Variants in INO80 observed in about 807,000 individuals in gnomAD.
INO80 encodes the protein chromatin-remodeling ATPase INO80.
A neutral mutation model predicts 203.4 loss-of-function variants in INO80; 20 were observed. That is an observed-to-expected ratio of 0.10 (90% confidence interval 0.07 to 0.14). INO80 has a LOEUF of 0.14. Ranked by LOEUF, INO80 falls within the 10% of genes least tolerant of loss-of-function variation. The pLI, the probability that INO80 is intolerant of heterozygous loss-of-function variation, is 1.00. For synonymous variants in INO80, 726 were observed against 685.2 expected (o/e 1.06, Z -0.93); for missense variants, 1,419 against 1,914.4 (o/e 0.74, Z 4.83).
chr15:41,084,721 A>T (rs1183218241), intron 7 of INO80, among the ~76,000 whole-genome samples: 2 of 152,050 alleles, frequency 1.3e-5, no homozygotes, highest in Non-Finnish European at 2.9e-5. Flanking sequence ...ACTCCTTTTT[A>T]TTTTATTTAA....
At chr15:40,993,703 G>T (rs2043844299) in intron 29 of INO80, among the ~76,000 whole-genome samples, 1 of 152,058 alleles carries the variant, frequency 6.6e-6, no homozygotes, top group Admixed American at 6.6e-5. Context: ...AGGTTGAAGT[G>T]AGCCGAGATC....
chr15:41,052,857 CAA>C (rs886971015), intron 19 of INO80, among the ~76,000 whole-genome samples: 1,207 of 93,514 alleles, frequency 0.013, 25 homozygotes, highest in African/African-American at 0.047. Flanking sequence ...CTGGTCGCTA[CAA>C]AAAAAAAAAA....
chr15:41,076,153 G>T (rs564608114), intron 9 of INO80, among the ~76,000 whole-genome samples: 4 of 152,086 alleles, frequency 2.6e-5, no homozygotes, highest in Non-Finnish European at 5.9e-5. Context: ...CTGAGGTCAG[G>T]AGTTCGAGAT....
chr15:41,088,788 T>C (rs1448027627), intron 5 of INO80, among the ~76,000 whole-genome samples: 1 of 152,200 alleles, frequency 6.6e-6, no homozygotes, highest in Non-Finnish European at 1.5e-5. Flanking sequence ...TACAATGTCC[T>C]CTGTTAAAAA....
At chr15:41,104,650 G>A (rs1373983299) in intron 1 of INO80, among the ~76,000 whole-genome samples, 1 of 152,080 alleles carries the variant, frequency 6.6e-6, no homozygotes, top group Non-Finnish European at 1.5e-5. Flanking sequence ...GGATTCTCCT[G>A]CCTCAGTCTT....
At chr15:41,080,949 AGAT>A in intron 8 of INO80, 68 bp downstream of exon 8, 2 of 966,410 alleles carry the variant, frequency 2.1e-6, no homozygotes, top group Non-Finnish European at 3.4e-6. Flanking sequence ...AAGAGCAGCA[AGAT>A]GGACCCCAAA....
At chr15:41,029,726 G>A (rs1419699850) in intron 24 of INO80, among the ~76,000 whole-genome samples, 3 of 152,172 alleles carry the variant, frequency 2.0e-5, no homozygotes, top group Non-Finnish European at 4.4e-5. Context: ...TGTCTAACAT[G>A]AGTATCGTTA....
chr15:41,046,118 G>A (rs1360105986), intron 23 of INO80, among the ~76,000 whole-genome samples: 1 of 149,722 alleles, frequency 6.7e-6, no homozygotes, highest in Non-Finnish European at 1.5e-5. Flanking sequence ...GAAATTATGG[G>A]AGAAAAGCCT....
intron 1 of INO80, among the ~76,000 whole-genome samples, chr15:41,097,036 A>G (rs916744595): frequency 2.4e-5 from 3 of 122,544 alleles, no homozygotes; most frequent in African/African-American, 6.3e-5. Context: ...TTCACTAGAG[A>G]CACAATCACA....
In INO80 at chr15:41,034,116, C is replaced by T. The variant is rs80036031; in HGVS notation, c.2908-6380G>A. ...ATCCAAAACACCTCTAAGTATCAAC[C>T]GATCTGTGTCCTTAGCCTAGTTCTT... On this transcript the variant is annotated intron_variant, in intron 24 of 35. Coordinates refer to ENST00000648947, the MANE Select transcript of INO80 (RefSeq NM_017553.3). Among the ~76,000 whole-genome samples the T allele has an allele frequency of 2.6e-3, 396 of 152,204 alleles. 3 individuals are homozygous for T. The highest frequency in any genetic ancestry group is 2.9e-3 in the Admixed American group (44 of 15,288).
At position 40,988,966 on chromosome 15, in the gene INO80, C is replaced by T. The variant is rs548109600; in HGVS notation, c.3571-992G>A. On this transcript the variant is annotated intron_variant, in intron 29 of 35. Coordinates refer to ENST00000648947, the MANE Select transcript of INO80 (RefSeq NM_017553.3). ...GGAGGCAGAGGTTGCAGTGAGCCGACACTGCATCACTGCACTCCAGCCTGG... is the reference window on the plus strand; with the variant it reads ...GGAGGCAGAGGTTGCAGTGAGCCGATACTGCATCACTGCACTCCAGCCTGG... 2.1e-4 allele frequency among the ~76,000 whole-genome samples: 32 copies of T among 151,294 alleles called. No homozygotes were observed. The East Asian group carries it at 6.3e-3, about 30-fold the overall frequency.
At chr15:41,020,125 G>A (rs1394198835) in intron 26 of INO80, among the ~76,000 whole-genome samples, 6 of 152,108 alleles carry the variant, frequency 3.9e-5, no homozygotes, top group African/African-American at 1.4e-4. Context: ...GAAGGCTGAG[G>A]CAGGAGAATG....
intron 28 of INO80, among the ~76,000 whole-genome samples, chr15:41,004,110 A>G (rs943476443): frequency 1.3e-5 from 2 of 152,224 alleles, no homozygotes; most frequent in Non-Finnish European, 2.9e-5. Context: ...TATGTTTCAA[A>G]TAATTGGTTT....
intron 28 of INO80, 193 bp downstream of exon 28, chr15:41,005,400 T>A: frequency 2.0e-6 from 1 of 506,380 alleles, no homozygotes; most frequent in South Asian, 3.0e-5. Context: ...AGGTATATTC[T>A]CTTTTTCTCT....
intron 29 of INO80, 144 bp from the exon 30 acceptor site, chr15:40,988,118 T>A: frequency 1.7e-6 from 1 of 598,136 alleles, no homozygotes; most frequent in East Asian, 2.8e-5. Context: ...AAGATACATC[T>A]TAGAAGATAC....
At chr15:40,981,975 A>G (rs1052548607) in intron 35 of INO80, among the ~76,000 whole-genome samples, 4 of 152,154 alleles carry the variant, frequency 2.6e-5, no homozygotes, top group Admixed American at 6.5e-5. Context: ...CAGACAGGCA[A>G]CTTATCAGCA....
chr15:41,035,636 A>G (rs1284922602), intron 24 of INO80, among the ~76,000 whole-genome samples: 1 of 151,622 alleles, frequency 6.6e-6, no homozygotes, highest in Non-Finnish European at 1.5e-5. Flanking sequence ...CCTGGCCAAC[A>G]TGGTGAAACC....
At chr15:41,089,743 C>CAAAAAAAAAA (rs796081701) in intron 5 of INO80, among the ~76,000 whole-genome samples, 1 of 112,988 alleles carries the variant, frequency 8.9e-6, no homozygotes. Context: ...AACTCAATCT[C>CAAAAAAAAAA]AAAAAAAAAA....
chr15:41,027,540 T>C (rs1331265554), intron 25 of INO80, 56 bp downstream of exon 25: 4 of 1,386,318 alleles, frequency 2.9e-6, no homozygotes, highest in Non-Finnish European at 4.0e-6. Flanking sequence ...CCCTTAAAAA[T>C]TGGTTTATTT....
Sources: allele counts gnomAD v4.1 joint callset (sites outside exome capture counted in the v4.1 genomes callset), GRCh38; gene constraint gnomAD v4.1.1; transcripts MANE v1.5; gene names NCBI Gene and HGNC (gene_info 2026-07-23, HGNC 2026-07-21).